The following SGCD variants were observed in gnomAD, a reference collection of about 807,000 sequenced individuals.
SGCD encodes sarcoglycan delta.
A neutral mutation model predicts 36.6 loss-of-function variants in SGCD; 18 were observed. The ratio of observed to expected loss-of-function variants is 0.49; its 90% confidence interval spans 0.34 to 0.73. The LOEUF (loss-of-function observed/expected upper bound fraction) is 0.73, where lower values mean the gene tolerates loss of function less well. SGCD is among the 30% of genes least tolerant of loss of function. The probability of loss-of-function intolerance (pLI) is 0.01; values close to 1 mark genes in which losing one functional copy is unlikely to be tolerated. For synonymous variants in SGCD, 133 were observed against 130.6 expected (o/e 1.02, Z -0.12); for missense variants, 387 against 346.7 (o/e 1.12, Z -0.92).
chr5:155,892,900 A>G (rs1174957610), intron 1 of SGCD, among the ~76,000 whole-genome samples: 1 of 152,228 alleles, frequency 6.6e-6, no homozygotes, highest in Non-Finnish European at 1.5e-5. Flanking sequence ...GTGGAATCTA[A>G]AAGAGTTAAT....
At chr5:155,880,928 A>G (rs917665110) in intron 1 of SGCD, among the ~76,000 whole-genome samples, 1 of 152,128 alleles carries the variant, frequency 6.6e-6, no homozygotes, top group African/African-American at 2.4e-5. Flanking sequence ...GTGAGCAGAA[A>G]AATGCTTCTT....
At chr5:156,225,153 A>C (rs1561573136) in intron 3 of SGCD, among the ~76,000 whole-genome samples, 1 of 152,122 alleles carries the variant, frequency 6.6e-6, no homozygotes, top group Non-Finnish European at 1.5e-5. Context: ...TAGGTGTCAG[A>C]GGGCCCCTGC....
chr5:156,688,246 C>T (rs1753979567), intron 7 of SGCD, among the ~76,000 whole-genome samples: 1 of 152,134 alleles, frequency 6.6e-6, no homozygotes, highest in African/African-American at 2.4e-5. Flanking sequence ...CTATTTTTGG[C>T]ATAGTGGCTG....
intron 3 of SGCD, among the ~76,000 whole-genome samples, chr5:156,307,048 T>C (rs1237920073): frequency 6.6e-6 from 1 of 150,516 alleles, no homozygotes; most frequent in Non-Finnish European, 1.5e-5. Context: ...TTTCTTTTTT[T>C]TTTTTTTTTT....
intron 6 of SGCD, among the ~76,000 whole-genome samples, chr5:156,614,174 G>C (rs1177667902): frequency 1.3e-5 from 2 of 152,066 alleles, no homozygotes; most frequent in Non-Finnish European, 2.9e-5. Context: ...GGAACTCCTG[G>C]CCTCAAGTGA....
intron 7 of SGCD, among the ~76,000 whole-genome samples, chr5:156,650,521 T>G (rs1763419052): frequency 6.6e-6 from 1 of 152,146 alleles, no homozygotes; most frequent in African/African-American, 2.4e-5. Context: ...CCTCAGTGTC[T>G]TTTGTTCCCA....
At chr5:156,030,377 T>A (rs1759319588) in intron 1 of SGCD, among the ~76,000 whole-genome samples, 1 of 152,076 alleles carries the variant, frequency 6.6e-6, no homozygotes, top group East Asian at 1.9e-4. Context: ...AAGAGACCCA[T>A]AGTCATAGGG....
At chr5:156,317,166 T>C (rs1767539709) in intron 3 of SGCD, among the ~76,000 whole-genome samples, 1 of 152,106 alleles carries the variant, frequency 6.6e-6, no homozygotes, top group African/African-American at 2.4e-5. Context: ...TATCAACTAA[T>C]GGGGTGGCTC....
chr5:155,784,906 A>G, the SGCD span, among the ~76,000 whole-genome samples: 2 of 151,886 alleles, frequency 1.3e-5, no homozygotes, highest in Non-Finnish European at 2.9e-5. Context: ...CTTTTTTCTC[A>G]TTAATATTCA....
intron 2 of SGCD, among the ~76,000 whole-genome samples, chr5:156,338,717 A>C (rs1223209618): frequency 6.6e-6 from 1 of 152,136 alleles, no homozygotes; most frequent in Non-Finnish European, 1.5e-5. Flanking sequence ...TAGGATTTGC[A>C]TAAAGTTAGC....
chr5:156,227,855 A>C (rs759718315), intron 3 of SGCD, among the ~76,000 whole-genome samples: 1 of 151,940 alleles, frequency 6.6e-6, no homozygotes, highest in Admixed American at 6.6e-5. Context: ...ATTGTCTTTC[A>C]GTTTGGAGAA....
Position 156,635,084 on chromosome 5 carries a change from G to A in SGCD, c.503-12380G>A, listed in dbSNP as rs183310999. Among the ~76,000 whole-genome samples the A allele has an allele frequency of 7.1e-3, 1,079 of 151,712 alleles. 7 individuals carry two copies. The highest frequency in any genetic ancestry group is 0.014 in the Middle Eastern group (4 of 288). ...CAAAAAAATTTTAAAAATTAACCAG[G>A]AATGGTGACATGTCCCGGTAGTCAA... is the stretch of plus-strand genomic sequence containing the variant. On this transcript the variant is annotated intron_variant, in intron 6 of 8. Coordinates refer to ENST00000337851, the MANE Select transcript of SGCD (RefSeq NM_000337.6).
rs571984508 is a variant in SGCD, at chr5:156,434,691, T to A, written c.193-73910T>A. ...CACAGAAAACCAAATTAGCCAAACT[T>A]AATGTTTCCCTAATCATTAGGCGAT... On this transcript the variant is annotated intron_variant, in intron 3 of 8. Transcript: ENST00000337851. Among the ~76,000 whole-genome samples the A allele has an allele frequency of 3.3e-5, 5 of 152,272 alleles. No homozygotes were observed. The South Asian group carries it at 1.0e-3, about 32-fold the overall frequency.
At chr5:156,010,250 TTAAA>T (rs1194656547) in intron 1 of SGCD, among the ~76,000 whole-genome samples, 1 of 152,244 alleles carries the variant, frequency 6.6e-6, no homozygotes, top group Non-Finnish European at 1.5e-5. Context: ...TCTCTGTTGA[TTAAA>T]TAACATCTTA....
chr5:156,209,172 A>C (rs562430877), intron 3 of SGCD, among the ~76,000 whole-genome samples: 56 of 152,256 alleles, frequency 3.7e-4, no homozygotes, highest in African/African-American at 1.3e-3. Flanking sequence ...TGCCAGGCAG[A>C]ATTTCACAGC....
At chr5:155,958,725 C>T (rs1171141064) in intron 1 of SGCD, among the ~76,000 whole-genome samples, 1 of 152,176 alleles carries the variant, frequency 6.6e-6, no homozygotes, top group Non-Finnish European at 1.5e-5. Flanking sequence ...AAAGTCCAAG[C>T]TTCGCTTTCT....
intron 6 of SGCD, among the ~76,000 whole-genome samples, chr5:156,606,455 A>T (rs1761459022): frequency 6.6e-6 from 1 of 152,182 alleles, no homozygotes; most frequent in Non-Finnish European, 1.5e-5. Flanking sequence ...GTAGCCTTGT[A>T]GTATAGTTTG....
chr5:156,265,072 C>G (rs1765965014), intron 3 of SGCD, among the ~76,000 whole-genome samples: 1 of 152,088 alleles, frequency 6.6e-6, no homozygotes, highest in Admixed American at 6.6e-5. Flanking sequence ...AGAAGCCCAG[C>G]CTTTTCAGTC....
At chr5:155,874,113 C>G (rs144336330) in intron 1 of SGCD, among the ~76,000 whole-genome samples, 2 of 152,130 alleles carry the variant, frequency 1.3e-5, no homozygotes, top group South Asian at 4.2e-4. Flanking sequence ...TTTCCCCCTT[C>G]TTTTTCTGTG....
Sources: allele counts gnomAD v4.1 joint callset (sites outside exome capture counted in the v4.1 genomes callset), GRCh38; gene constraint gnomAD v4.1.1; transcripts MANE v1.5; gene names NCBI Gene and HGNC (gene_info 2026-07-23, HGNC 2026-07-21).